SEMA5A: variants seen among roughly 807,000 people sequenced by gnomAD.
SEMA5A encodes the protein semaphorin 5A.
A neutral mutation model predicts 135.5 loss-of-function variants in SEMA5A; 55 were observed. That is an observed-to-expected ratio of 0.41 (90% CI 0.33 to 0.51). The LOEUF is 0.51. Ranked by LOEUF, SEMA5A falls within the 20% of genes least tolerant of loss-of-function variation. SEMA5A has a pLI of 0.37. For missense variants in SEMA5A, 1,290 were observed against 1,419.9 expected, an observed-to-expected ratio of 0.91 and a Z score of 1.47; for synonymous variants, 580 against 546.5, an observed-to-expected ratio of 1.06 and a Z score of -0.85.
At chr5:9,392,214 T>C (rs574916171) in intron 2 of SEMA5A, among the ~76,000 whole-genome samples, 7 of 152,328 alleles carry the variant, frequency 4.6e-5, no homozygotes, top group South Asian at 2.1e-4. Context: ...TCCATTATTA[T>C]TTTATCTTCT....
chr5:9,243,089 G>C (rs991422779), intron 5 of SEMA5A, among the ~76,000 whole-genome samples: 1 of 152,198 alleles, frequency 6.6e-6, no homozygotes, highest in Non-Finnish European at 1.5e-5. Flanking sequence ...AGTTGACAAT[G>C]TATTCATTCC....
At chr5:9,220,376 CAAAAA>C (rs1180985259) in intron 8 of SEMA5A, among the ~76,000 whole-genome samples, 1 of 151,168 alleles carries the variant, frequency 6.6e-6, no homozygotes, top group East Asian at 1.9e-4. Context: ...GAAAAAACAA[CAAAAA>C]AACTTCAGGA....
chr5:9,455,261 T>A (rs7447854), intron 1 of SEMA5A, among the ~76,000 whole-genome samples: 114,111 of 141,752 alleles, frequency 0.81, 44,005 homozygotes, highest in Admixed American at 0.85. Flanking sequence ...TTATTTATTT[T>A]TTTTTTTTTT....
intron 1 of SEMA5A, among the ~76,000 whole-genome samples, chr5:9,458,374 C>T (rs73036734): frequency 0.026 from 4,028 of 152,260 alleles, 175 homozygotes; most frequent in African/African-American, 0.089. Flanking sequence ...ATGAATCTTT[C>T]GCTCTTTCTC....
rs141643505 is a variant in SEMA5A, at chr5:9,037,419, T to C, written c.*5478A>G. Reference sequence around the variant, plus strand: ...TGATAATGCCCTATGTCGCTTGCAATGTGAACTCTATTTTCAAAAGTGGAT... The same window carrying C: ...TGATAATGCCCTATGTCGCTTGCAACGTGAACTCTATTTTCAAAAGTGGAT... On this transcript the variant is annotated 3_prime_UTR_variant, in exon 23 of 23. Coordinates refer to ENST00000382496, the MANE Select transcript of SEMA5A (RefSeq NM_003966.3). 1 of 152,366 alleles carries C rather than the reference T, an allele frequency of 6.6e-6. No individual in the cohort carries two copies. The highest frequency in any genetic ancestry group is 1.5e-5 in the Non-Finnish European group (1 of 68,032). 9.4% of individuals were successfully genotyped at this position (152,366 alleles called of 1,614,324 possible).
chr5:9,361,640 C>G (rs1754699788), intron 3 of SEMA5A, among the ~76,000 whole-genome samples: 1 of 152,238 alleles, frequency 6.6e-6, no homozygotes, highest in African/African-American at 2.4e-5. Flanking sequence ...CGTCTATACT[C>G]TGTCTCATCC....
intron 5 of SEMA5A, among the ~76,000 whole-genome samples, chr5:9,279,552 A>G (rs1750438022): frequency 6.6e-6 from 1 of 152,164 alleles, no homozygotes; most frequent in South Asian, 2.1e-4. Context: ...CTGGGGCAGA[A>G]TGATATGGCT....
intron 1 of SEMA5A, among the ~76,000 whole-genome samples, chr5:9,503,357 T>C (rs1209145807): frequency 6.6e-6 from 1 of 152,110 alleles, no homozygotes; most frequent in Non-Finnish European, 1.5e-5. Flanking sequence ...AGGTAACATC[T>C]TGGATGCTCA....
chr5:9,282,150 C>T (rs981531883), intron 5 of SEMA5A, among the ~76,000 whole-genome samples: 3 of 152,056 alleles, frequency 2.0e-5, no homozygotes, highest in Non-Finnish European at 4.4e-5. Context: ...GTTCAGTCCT[C>T]GTTTCCTTCC....
chr5:9,334,284 A>G (rs1186182852), intron 4 of SEMA5A, among the ~76,000 whole-genome samples: 2 of 152,246 alleles, frequency 1.3e-5, no homozygotes, highest in Admixed American at 6.5e-5. Context: ...TTTCTGAAAT[A>G]TACACCTGTT....
intron 4 of SEMA5A, among the ~76,000 whole-genome samples, chr5:9,332,120 A>G (rs1753166346): frequency 7.1e-6 from 1 of 141,196 alleles, no homozygotes; most frequent in South Asian, 2.3e-4. Flanking sequence ...GTAGTTATAG[A>G]CTGGTACTCA....
rs111856546 is a variant in SEMA5A, at chr5:9,466,208, G to A, written c.-174-28356C>T. The stretch of plus-strand genomic sequence containing the variant: ...AATAAGAAAAGTCCCCAGGCACACC[G>A]GGGACTGTTGTGGGGTGAGGGGAAG... On this transcript the variant is annotated intron_variant, in intron 1 of 22. Coordinates refer to ENST00000382496, the MANE Select transcript of SEMA5A (RefSeq NM_003966.3). 5.4e-3 allele frequency among the ~76,000 whole-genome samples: 816 copies of A among 150,708 alleles called. 5 individuals carry two copies. The highest frequency in any genetic ancestry group is 0.019 in the African/African-American group (776 of 40,982).
intron 8 of SEMA5A, among the ~76,000 whole-genome samples, chr5:9,221,490 G>T (rs1458829546): frequency 6.6e-6 from 1 of 151,738 alleles, no homozygotes; most frequent in African/African-American, 2.4e-5. Context: ...TTTTAGTAGA[G>T]ACGGGGTTTC....
intron 2 of SEMA5A, among the ~76,000 whole-genome samples, chr5:9,412,889 T>C (rs1245901667): frequency 6.6e-6 from 1 of 152,138 alleles, no homozygotes; most frequent in East Asian, 1.9e-4. Context: ...TTTTTTAGAT[T>C]AGAGATGCTC....
intron 5 of SEMA5A, among the ~76,000 whole-genome samples, chr5:9,308,862 T>A (rs1399106390): frequency 6.6e-6 from 1 of 152,148 alleles, no homozygotes; most frequent in South Asian, 2.1e-4. Flanking sequence ...CTCGATGAGA[T>A]GATGCTTGCA....
chr5:9,181,590 C>A (rs1405285637), intron 11 of SEMA5A, among the ~76,000 whole-genome samples: 1 of 152,114 alleles, frequency 6.6e-6, no homozygotes, highest in Non-Finnish European at 1.5e-5. Flanking sequence ...AGGCCTAACT[C>A]AGCCCCTCAG....
chr5:9,177,483 C>G (rs191486005), intron 11 of SEMA5A, among the ~76,000 whole-genome samples: 209 of 152,320 alleles, frequency 1.4e-3, no homozygotes, highest in African/African-American at 4.9e-3. Flanking sequence ...ATTTGGAGGG[C>G]TTCATTCTGG....
chr5:9,231,910 T>C (rs1014951815), intron 6 of SEMA5A, among the ~76,000 whole-genome samples: 6 of 152,232 alleles, frequency 3.9e-5, no homozygotes, highest in Non-Finnish European at 8.8e-5. Context: ...CTAGGGTTGA[T>C]AATGAGAGTC....
chr5:9,318,028 T>A (rs183888890), intron 5 of SEMA5A, among the ~76,000 whole-genome samples: 1 of 152,306 alleles, frequency 6.6e-6, no homozygotes, highest in African/African-American at 2.4e-5. Flanking sequence ...CCCGGATGCA[T>A]CAAACTAAAT....
Sources: allele counts gnomAD v4.1 joint callset (sites outside exome capture counted in the v4.1 genomes callset), GRCh38; gene constraint gnomAD v4.1.1; transcripts MANE v1.5; gene names NCBI Gene and HGNC (gene_info 2026-07-23, HGNC 2026-07-21).